Variants in HTR2C observed in about 807,000 individuals in gnomAD.
The protein encoded by HTR2C is 5-hydroxytryptamine receptor 2C, also known as 5-hydroxytryptamine (serotonin) receptor 2C, G protein-coupled.
A neutral mutation model predicts 21.0 loss-of-function variants in HTR2C; 5 were observed. That is an observed-to-expected ratio of 0.24 (90% confidence interval 0.12 to 0.50). The LOEUF (loss-of-function observed/expected upper bound fraction) is 0.50, where lower values mean the gene tolerates loss of function less well. Among genes scored for constraint, HTR2C ranks in the 20% least tolerant of loss-of-function variants. HTR2C has a pLI of 0.98. For missense variants in HTR2C, 271 were observed against 371.2 expected, an observed-to-expected ratio of 0.73 and a Z score of 2.22; for synonymous variants, 150 against 145.3, an observed-to-expected ratio of 1.03 and a Z score of -0.23.
chrX:114,624,000 C>G lies in HTR2C; in HGVS notation c.-80+10119C>G, dbSNP rs1444334868. 5.8e-5 allele frequency among the ~76,000 whole-genome samples: 6 copies of G among 103,748 alleles called. No homozygotes were observed. The East Asian group carries it at 1.8e-3, about 32-fold the overall frequency. The allele number at this position is 103,748 out of a possible 115,157, so 90.1% of individuals were successfully genotyped here. A position where few individuals can be genotyped will look rare whatever the true frequency, so the allele number is the denominator to read the frequency against. On this transcript the variant is annotated intron_variant, in intron 2 of 5. Transcript: ENST00000276198. ...CTCAGGTCACTGCAACCTCTGCCTCCCAGGTTCAAGCGATTCTCGTGCCTC... is the reference window on the plus strand; with the variant it reads ...CTCAGGTCACTGCAACCTCTGCCTCGCAGGTTCAAGCGATTCTCGTGCCTC...
chrX:114,762,018 TACTATTTGTAC>T (rs2069883299), intron 4 of HTR2C, among the ~76,000 whole-genome samples: 22 of 58,802 alleles, frequency 3.7e-4, no homozygotes, highest in Non-Finnish European at 6.2e-4. Context: ...ATAGTATATA[TACTATTTGTAC>T]ACATATATGT....
In HTR2C at chrX:114,611,188, G is replaced by A. The variant is rs781999348; in HGVS notation, c.-146-2627G>A. 7.2e-5 allele frequency among the ~76,000 whole-genome samples: 8 copies of A among 111,562 alleles called. No homozygotes were observed. The East Asian group carries it at 2.3e-3, about 32-fold the overall frequency. ...TTACAATCATAGCACACATTGTTCT[G>A]TCTGCAATAGTCACAATTCGCCACT... On this transcript the variant is annotated intron_variant, in intron 1 of 5. Transcript: ENST00000276198.
chrX:114,746,979 C>T (rs1017211686), intron 4 of HTR2C, among the ~76,000 whole-genome samples: 13 of 108,836 alleles, frequency 1.2e-4, no homozygotes, highest in African/African-American at 4.0e-4. Flanking sequence ...AGCGAGACTC[C>T]GTCTCAAAAA....
intron 4 of HTR2C, among the ~76,000 whole-genome samples, chrX:114,843,407 A>G (rs1357403261): frequency 1.8e-5 from 2 of 111,916 alleles, no homozygotes; most frequent in African/African-American, 6.5e-5. Context: ...ACATGAAAAC[A>G]GGTCAATTGT....
chrX:114,865,502 A>G (rs1556474311), intron 5 of HTR2C, among the ~76,000 whole-genome samples: 1 of 111,835 alleles, frequency 8.9e-6, no homozygotes, highest in Non-Finnish European at 1.9e-5. Flanking sequence ...CACTAGCAGT[A>G]TGTAAGAGTT....
intron 1 of HTR2C, among the ~76,000 whole-genome samples, chrX:114,613,545 G>C (rs1332234148): frequency 9.0e-6 from 1 of 111,307 alleles, no homozygotes; most frequent in East Asian, 2.8e-4. Flanking sequence ...CAACTGTCTG[G>C]GAATGCAGCC....
At chrX:114,593,859 A>T (rs1927729376) in intron 1 of HTR2C, among the ~76,000 whole-genome samples, 1 of 111,792 alleles carries the variant, frequency 8.9e-6, no homozygotes, top group African/African-American at 3.2e-5. Context: ...CAGGTAGTTG[A>T]TTTTATGCCC....
intron 2 of HTR2C, among the ~76,000 whole-genome samples, chrX:114,672,894 A>G (rs1245196927): frequency 8.9e-6 from 1 of 112,453 alleles, no homozygotes; most frequent in Non-Finnish European, 1.9e-5. Flanking sequence ...CAGCACAGCT[A>G]TGAAGTGCAG....
chrX:114,898,290 ACT>A (rs1556484519), intron 5 of HTR2C, among the ~76,000 whole-genome samples: 2 of 111,734 alleles, frequency 1.8e-5, no homozygotes, highest in African/African-American at 6.5e-5. Flanking sequence ...TTCCTTGTAC[ACT>A]CTGGATATTA....
At chrX:114,644,362 A>T (rs781859637) in intron 2 of HTR2C, among the ~76,000 whole-genome samples, 157 of 38,144 alleles carry the variant, frequency 4.1e-3, no homozygotes, top group African/African-American at 8.0e-3. Flanking sequence ...TAAATAAATA[A>T]ATATATATAT....
At chrX:114,767,335 A>C (rs782364008) in intron 4 of HTR2C, among the ~76,000 whole-genome samples, 80 of 111,186 alleles carry the variant, frequency 7.2e-4, no homozygotes, top group African/African-American at 2.4e-3. Flanking sequence ...TCTAGATCAT[A>C]TTCATTCTTG....
At chrX:114,816,249 A>G (rs1263077694) in intron 4 of HTR2C, among the ~76,000 whole-genome samples, 6 of 90,733 alleles carry the variant, frequency 6.6e-5, no homozygotes, top group Admixed American at 1.4e-4. Context: ...TGATAGATAG[A>G]TAGGTAGATA....
At chrX:114,823,458 G>A in intron 4 of HTR2C, 1 of 346,153 alleles carries the variant, frequency 2.9e-6, no homozygotes, top group Non-Finnish European at 5.8e-6. Flanking sequence ...GCATGGGCCG[G>A]GAGGTTGAAC....
intron 2 of HTR2C, among the ~76,000 whole-genome samples, chrX:114,702,528 C>T (rs1433923909): frequency 9.0e-6 from 1 of 110,995 alleles, no homozygotes; most frequent in African/African-American, 3.3e-5. Context: ...TTTGTCACCA[C>T]CAGGCCTGCC....
At chrX:114,611,527 T>C (rs898840441) in intron 1 of HTR2C, among the ~76,000 whole-genome samples, 2 of 112,151 alleles carry the variant, frequency 1.8e-5, no homozygotes, top group Non-Finnish European at 3.8e-5. Flanking sequence ...TTATTTACTA[T>C]AAGTCTCCTA....
intron 4 of HTR2C, among the ~76,000 whole-genome samples, chrX:114,826,705 A>G (rs2070681260): frequency 9.0e-6 from 1 of 111,519 alleles, no homozygotes; most frequent in Admixed American, 9.6e-5. Flanking sequence ...AGAGTTTCTT[A>G]TAGACAGCAT....
intron 4 of HTR2C, among the ~76,000 whole-genome samples, chrX:114,806,077 C>CCATATATA (rs2070424999): frequency 1.0e-5 from 1 of 100,476 alleles, no homozygotes; most frequent in South Asian, 4.4e-4. Flanking sequence ...CATATATACA[C>CCATATATA]CATATATATA....
intron 5 of HTR2C, among the ~76,000 whole-genome samples, chrX:114,897,107 T>G (rs187423103): frequency 3.8e-4 from 42 of 111,841 alleles, no homozygotes; most frequent in African/African-American, 1.3e-3. Flanking sequence ...ATTTTCCACT[T>G]TAGACTTTAG....
At chrX:114,751,348 A>G (rs782411711) in intron 4 of HTR2C, among the ~76,000 whole-genome samples, 1 of 112,107 alleles carries the variant, frequency 8.9e-6, no homozygotes, top group African/African-American at 3.2e-5. Flanking sequence ...GCCCAGGGTC[A>G]CATGATTAGA....
Sources: gnomAD v4.1 joint callset for allele counts (sites outside exome capture counted in the v4.1 genomes callset) on GRCh38, gnomAD v4.1.1 for gene constraint, MANE v1.5 for transcripts, NCBI Gene and HGNC (gene_info 2026-07-23, HGNC 2026-07-21) for gene names.